Variants in RBMS3 observed in about 807,000 individuals in gnomAD.
RBMS3 encodes the protein RNA-binding motif, single-stranded-interacting protein 3.
In RBMS3, 27 loss-of-function variants were observed where a neutral mutation model predicts 66.8. The ratio of observed to expected loss-of-function variants is 0.40; its 90% CI spans 0.30 to 0.56. The LOEUF (loss-of-function observed/expected upper bound fraction) is 0.56, where lower values mean the gene tolerates loss of function less well. Ranked by LOEUF, RBMS3 falls within the 20% of genes least tolerant of loss-of-function variation. The pLI is 0.40. For synonymous variants in RBMS3, 188 were observed against 183.0 expected, an observed-to-expected ratio of 1.03 and a Z score of -0.22; for missense variants, 513 against 549.5, an observed-to-expected ratio of 0.93 and a Z score of 0.66.
intron 6 of RBMS3, among the ~76,000 whole-genome samples, chr3:29,813,010 A>G (rs188078570): frequency 1.2e-4 from 19 of 152,182 alleles, no homozygotes; most frequent in Non-Finnish European, 2.1e-4. Context: ...TTCATCCAGT[A>G]GTGTATCATG....
intron 5 of RBMS3, among the ~76,000 whole-genome samples, chr3:29,740,119 A>G (rs1224099877): frequency 2.0e-5 from 3 of 152,096 alleles, no homozygotes; most frequent in Non-Finnish European, 4.4e-5. Context: ...CTTGAGTCAT[A>G]ATAACATACA....
intron 1 of RBMS3, among the ~76,000 whole-genome samples, chr3:29,393,572 A>G (rs1433078315): frequency 6.6e-6 from 1 of 152,208 alleles, no homozygotes; most frequent in Non-Finnish European, 1.5e-5. Context: ...ACATAGGACA[A>G]AAACTCTACT....
intron 1 of RBMS3, among the ~76,000 whole-genome samples, chr3:29,346,395 T>TC (rs2036577252): frequency 1.4e-5 from 2 of 139,242 alleles, no homozygotes; most frequent in Non-Finnish European, 3.1e-5. Flanking sequence ...GGCAATTCAT[T>TC]CTTTTTTTTT....
At chr3:29,853,396 A>G (rs1257061359) in intron 6 of RBMS3, among the ~76,000 whole-genome samples, 2 of 124,464 alleles carry the variant, frequency 1.6e-5, no homozygotes, top group African/African-American at 3.2e-5. Context: ...TAAAATTCAT[A>G]TTGTATCTTA....
intron 1 of RBMS3, among the ~76,000 whole-genome samples, chr3:29,309,453 C>T (rs187435125): frequency 4.6e-5 from 7 of 151,798 alleles, no homozygotes; most frequent in Admixed American, 4.6e-4. Flanking sequence ...TGTACTGACA[C>T]GTTAAATTCT....
chr3:29,416,310 C>T (rs1490270993), intron 1 of RBMS3, among the ~76,000 whole-genome samples: 1 of 151,720 alleles, frequency 6.6e-6, no homozygotes, highest in Non-Finnish European at 1.5e-5. Flanking sequence ...CTCCTTTTCC[C>T]CAACCTCTTC....
Position 29,806,394 on chromosome 3 carries a change from A to C in RBMS3, c.637+43405A>C, listed in dbSNP as rs541283261. On this transcript the variant is annotated intron_variant, in intron 6 of 14. Transcript: ENST00000383767. Reference sequence around the variant, plus strand: ...ACAGACACAGGTAGCCTGATCTGATAATCTAAAAGTTAAGCACAAAACTGT... The same window carrying C: ...ACAGACACAGGTAGCCTGATCTGATCATCTAAAAGTTAAGCACAAAACTGT... 5.9e-5 allele frequency among the ~76,000 whole-genome samples: 9 copies of C among 152,076 alleles called. No homozygotes were observed. The South Asian group carries it at 1.9e-3, about 31-fold the overall frequency.
chr3:29,500,236 T>C (rs9861645), intron 3 of RBMS3, among the ~76,000 whole-genome samples: 19,901 of 151,344 alleles, frequency 0.13, 1,932 homozygotes, highest in African/African-American at 0.27. Context: ...ATCTAAGATA[T>C]AAGGAAATTA....
At chr3:29,659,619 A>G (rs2050457349) in intron 4 of RBMS3, among the ~76,000 whole-genome samples, 1 of 152,138 alleles carries the variant, frequency 6.6e-6, no homozygotes, top group Non-Finnish European at 1.5e-5. Context: ...TCCCTTATCC[A>G]TTCATCAGTC....
intron 6 of RBMS3, among the ~76,000 whole-genome samples, chr3:29,817,105 GA>G (rs1376907435): frequency 6.6e-6 from 1 of 151,080 alleles, no homozygotes; most frequent in Non-Finnish European, 1.5e-5. Context: ...AATAAATAAG[GA>G]AAAAAGTATA....
intron 6 of RBMS3, among the ~76,000 whole-genome samples, chr3:29,779,127 G>A (rs1309616769): frequency 6.6e-6 from 1 of 151,764 alleles, no homozygotes; most frequent in Non-Finnish European, 1.5e-5. Flanking sequence ...CCATCCCTTT[G>A]ACCCAAGCCA....
chr3:29,642,127 G>T (rs13061963), intron 4 of RBMS3, among the ~76,000 whole-genome samples: 4,040 of 152,080 alleles, frequency 0.027, 84 homozygotes, highest in Non-Finnish European at 0.043. Flanking sequence ...AACTTTCTGC[G>T]ATCAGAAAGG....
intron 4 of RBMS3, among the ~76,000 whole-genome samples, chr3:29,728,545 A>G (rs564497519): frequency 6.6e-6 from 1 of 152,298 alleles, no homozygotes; most frequent in African/African-American, 2.4e-5. Flanking sequence ...TAAGAAATGA[A>G]GGCAAGACAG....
intron 1 of RBMS3, among the ~76,000 whole-genome samples, chr3:29,342,684 T>G (rs554637879): frequency 3.5e-4 from 54 of 152,300 alleles, no homozygotes; most frequent in African/African-American, 1.2e-3. Flanking sequence ...TTGAAACTTA[T>G]GTTTTACTTC....
chr3:29,684,112 T>C (rs1209226053), intron 4 of RBMS3, among the ~76,000 whole-genome samples: 1 of 152,210 alleles, frequency 6.6e-6, no homozygotes, highest in Non-Finnish European at 1.5e-5. Context: ...CTTTTGACTA[T>C]TGCATTACAA....
chr3:29,674,622 C>A (rs935009596), intron 4 of RBMS3, among the ~76,000 whole-genome samples: 1 of 150,956 alleles, frequency 6.6e-6, no homozygotes, highest in African/African-American at 2.4e-5. Flanking sequence ...AGACAGAGAG[C>A]CAAATCATGA....
chr3:29,618,059 T>C (rs2149146138), intron 4 of RBMS3, among the ~76,000 whole-genome samples: 1 of 152,256 alleles, frequency 6.6e-6, no homozygotes, highest in East Asian at 1.9e-4. Flanking sequence ...CTCAAAGATA[T>C]CTCTTAGAAA....
intron 1 of RBMS3, among the ~76,000 whole-genome samples, chr3:29,295,285 A>G (rs2033152372): frequency 4.0e-5 from 2 of 50,526 alleles, no homozygotes; most frequent in African/African-American, 1.1e-4. Flanking sequence ...ATATATATAT[A>G]TATATATATA....
intron 5 of RBMS3, among the ~76,000 whole-genome samples, chr3:29,743,464 T>G (rs779930514): frequency 6.6e-6 from 1 of 152,200 alleles, no homozygotes; most frequent in African/African-American, 2.4e-5. Context: ...GCAGCTTCAG[T>G]GCTTCCTAAA....
Sources: allele counts gnomAD v4.1 joint callset (sites outside exome capture counted in the v4.1 genomes callset), GRCh38; gene constraint gnomAD v4.1.1; transcripts MANE v1.5; gene names NCBI Gene and HGNC (gene_info 2026-07-23, HGNC 2026-07-21).